The following DYM variants were observed in gnomAD, a reference collection of about 807,000 sequenced individuals.
DYM encodes dymeclin, also known as dyggve-Melchior-Clausen syndrome protein.
A neutral mutation model predicts 93.1 loss-of-function variants in DYM; 78 were observed. The observed-to-expected ratio is 0.84, with a 90% CI of 0.70 to 1.01. The LOEUF (loss-of-function observed/expected upper bound fraction) is 1.01. Ranked by LOEUF, DYM falls within the 50% of genes least tolerant of loss-of-function variation. The probability of loss-of-function intolerance (pLI) is 0.00; values close to 1 mark genes in which losing one functional copy is unlikely to be tolerated. For missense variants in DYM, 789 were observed against 845.0 expected (o/e 0.93, Z 0.82); for synonymous variants, 321 against 319.7 (o/e 1.00, Z -0.04).
chr18:49,333,797 G>A lies in DYM; in HGVS notation c.551C>T (p.Ser184Phe), dbSNP rs772014312. The A allele has an allele frequency of 1.2e-6, 2 of 1,613,660 alleles. No individual in the cohort carries two copies. Among genetic ancestry groups the A allele is most frequent in the Non-Finnish European group, 1.7e-6 (2 of 1,179,622 alleles). The change falls in exon 7 of 18, where the codon TCC becomes TTC. Residue 184 changes from serine (S) to phenylalanine (F), a missense_variant. By Grantham distance (155) the Ser-to-Phe change is radical. Coordinates refer to ENST00000675505, the MANE Select transcript of DYM (RefSeq NM_001353214.3). ...AACTTCTTTGTGGAAGAGTTGGCAG[G>A]AAAGGAAAACAACCATTGTTGATAT... ...EAISTMVVFLSCQLFHKEVLR... is the reference protein window; with the variant it reads ...EAISTMVVFLFCQLFHKEVLR...
chr18:49,062,121 G>T (rs1568358871), intron 17 of DYM, among the ~76,000 whole-genome samples: 1 of 152,180 alleles, frequency 6.6e-6, no homozygotes, highest in Non-Finnish European at 1.5e-5. Flanking sequence ...TGTCTGGAAG[G>T]CTTGTCAGAA....
intron 17 of DYM, among the ~76,000 whole-genome samples, chr18:49,069,033 AATTG>A (rs2076681373): frequency 1.3e-5 from 2 of 152,220 alleles, no homozygotes; most frequent in Non-Finnish European, 2.9e-5. Context: ...AAGTATAATA[AATTG>A]ATTATGGAAG....
intron 2 of DYM, among the ~76,000 whole-genome samples, chr18:49,409,655 A>G (rs1244872596): frequency 6.6e-6 from 1 of 152,246 alleles, no homozygotes; most frequent in Non-Finnish European, 1.5e-5. Flanking sequence ...TTGGTAGGGA[A>G]AAAAAGCCTC....
At chr18:49,216,727 G>A (rs2093069878) in intron 13 of DYM, among the ~76,000 whole-genome samples, 1 of 152,036 alleles carries the variant, frequency 6.6e-6, no homozygotes, top group South Asian at 2.1e-4. Context: ...CAAACAGAAA[G>A]GACATCCACA....
At chr18:49,312,999 C>G (rs2061691610) in intron 8 of DYM, among the ~76,000 whole-genome samples, 1 of 152,132 alleles carries the variant, frequency 6.6e-6, no homozygotes, top group African/African-American at 2.4e-5. Context: ...GTAATTAATC[C>G]TTGAAGCTAT....
intron 15 of DYM, among the ~76,000 whole-genome samples, chr18:49,148,795 G>T (rs1347178242): frequency 6.6e-6 from 1 of 152,052 alleles, no homozygotes; most frequent in East Asian, 1.9e-4. Flanking sequence ...GGTCTGTGAG[G>T]CTCCTGCCTC....
chr18:49,087,995 T>A (rs1414495750), intron 17 of DYM, among the ~76,000 whole-genome samples: 13 of 152,258 alleles, frequency 8.5e-5, no homozygotes, highest in Middle Eastern at 3.4e-3. Flanking sequence ...GTTTGAGTTC[T>A]TTGTAGATTC....
chr18:49,269,678 T>C (rs1313081312), intron 11 of DYM, among the ~76,000 whole-genome samples: 2 of 152,236 alleles, frequency 1.3e-5, no homozygotes, highest in African/African-American at 4.8e-5. Flanking sequence ...ACAAAATTCC[T>C]ATCACCTAGA....
intron 11 of DYM, among the ~76,000 whole-genome samples, chr18:49,260,480 G>T (rs926472120): frequency 6.6e-6 from 1 of 151,940 alleles, no homozygotes; most frequent in African/African-American, 2.4e-5. Context: ...AATTCCAGAA[G>T]AAATAAACTA....
At chr18:49,339,662 A>G (rs2063943964) in intron 6 of DYM, among the ~76,000 whole-genome samples, 1 of 152,210 alleles carries the variant, frequency 6.6e-6, no homozygotes, top group Admixed American at 6.5e-5. Flanking sequence ...GTGAGACCAG[A>G]GCCCCAGCTT....
chr18:49,121,431 T>C (rs535416413), intron 15 of DYM, among the ~76,000 whole-genome samples: 4 of 151,818 alleles, frequency 2.6e-5, no homozygotes, highest in Non-Finnish European at 5.9e-5. Flanking sequence ...TTAATATACA[T>C]CTAATTGACT....
chr18:49,346,947 C>T (rs2147099824), intron 6 of DYM, among the ~76,000 whole-genome samples: 1 of 152,186 alleles, frequency 6.6e-6, no homozygotes, highest in East Asian at 1.9e-4. Context: ...CTTAGCTTAC[C>T]TTAAACATGC....
Position 49,304,081 on chromosome 18 carries a change from C to A in DYM, c.764-17465G>T, listed in dbSNP as rs114290098. 5.4e-3 allele frequency among the ~76,000 whole-genome samples: 821 copies of A among 152,324 alleles called. 6 individuals carry two copies. The highest frequency in any genetic ancestry group is 0.019 in the African/African-American group (796 of 41,554). ...TATTGGTCATAGTCTTCAACTGATG[C>A]ACGCTAGCTTTTTCAATTATAAGTT... On this transcript the variant is annotated intron_variant, in intron 8 of 17. Transcript: ENST00000675505.
intron 8 of DYM, among the ~76,000 whole-genome samples, chr18:49,322,004 A>G (rs1267613978): frequency 6.6e-6 from 1 of 152,162 alleles, no homozygotes; most frequent in Non-Finnish European, 1.5e-5. Flanking sequence ...GAGAAAAATA[A>G]CAATCAAGTA....
chr18:49,080,593 A>C (rs1599597406), intron 17 of DYM, among the ~76,000 whole-genome samples: 5 of 97,364 alleles, frequency 5.1e-5, no homozygotes, highest in South Asian at 3.7e-4. Flanking sequence ...GCGGGGGCTG[A>C]CCCCCCCACC....
intron 14 of DYM, among the ~76,000 whole-genome samples, chr18:49,206,848 G>A (rs977373547): frequency 6.6e-6 from 1 of 152,164 alleles, no homozygotes; most frequent in African/African-American, 2.4e-5. Context: ...TGAGAGTACT[G>A]AGAAACCCAA....
intron 5 of DYM, among the ~76,000 whole-genome samples, chr18:49,365,260 A>C (rs899855427): frequency 6.6e-6 from 1 of 152,230 alleles, no homozygotes; most frequent in Non-Finnish European, 1.5e-5. Flanking sequence ...GAACTGGCAC[A>C]GTAACCCCGT....
intron 6 of DYM, among the ~76,000 whole-genome samples, chr18:49,352,542 A>C (rs1255619840): frequency 6.6e-6 from 1 of 152,162 alleles, no homozygotes; most frequent in Non-Finnish European, 1.5e-5. Context: ...ATACAGACTG[A>C]CTACAAGGGA....
intron 10 of DYM, among the ~76,000 whole-genome samples, chr18:49,275,283 T>C (rs1053691441): frequency 1.1e-4 from 17 of 152,200 alleles, no homozygotes; most frequent in African/African-American, 3.9e-4. Flanking sequence ...ATGATAGGTA[T>C]ATGGGTTTAT....
Sources: allele counts gnomAD v4.1 joint callset (sites outside exome capture counted in the v4.1 genomes callset), GRCh38; gene constraint gnomAD v4.1.1; transcripts MANE v1.5; gene names NCBI Gene and HGNC (gene_info 2026-07-23, HGNC 2026-07-21).